The following TBK1 variants were observed in gnomAD, a reference collection of about 807,000 sequenced individuals.
TBK1 encodes the protein TANK binding kinase 1, also known as serine/threonine-protein kinase TBK1.
TBK1 carries 37 observed loss-of-function variants against 99.9 expected under a neutral mutation model. The observed-to-expected ratio is 0.37, with a 90% CI of 0.28 to 0.49. TBK1 has a LOEUF of 0.49. TBK1 is among the 20% of genes least tolerant of loss of function. The probability of loss-of-function intolerance (pLI) is 0.98; values close to 1 mark genes in which losing one functional copy is unlikely to be tolerated. For synonymous variants in TBK1, 258 were observed against 279.8 expected, an observed-to-expected ratio of 0.92 and a Z score of 0.78; for missense variants, 644 against 872.5, an observed-to-expected ratio of 0.74 and a Z score of 3.30.
At chr12:64,474,876 G>A (rs185435177) in intron 6 of TBK1, among the ~76,000 whole-genome samples, 238 of 152,314 alleles carry the variant, frequency 1.6e-3, no homozygotes, top group African/African-American at 5.4e-3. Flanking sequence ...CCAGCACTTT[G>A]GGAGGCTGAG....
At chr12:64,489,615 C>G (rs1440547601) in intron 12 of TBK1, among the ~76,000 whole-genome samples, 1 of 150,016 alleles carries the variant, frequency 6.7e-6, no homozygotes, top group African/African-American at 2.5e-5. Flanking sequence ...GTCATCTAGG[C>G]TGGAGTGCAG....
rs1410255519 is a variant in TBK1, at chr12:64,496,421, T to C, written c.1760+15T>C. The C allele has an allele frequency of 1.6e-5, 20 of 1,223,132 alleles. No homozygotes were observed. In the Admixed American group the frequency reaches 4.9e-4, roughly 30 times the overall value. 75.8% of individuals were successfully genotyped at this position (1,223,132 alleles called of 1,614,324 possible). A position where few individuals can be genotyped will look rare whatever the true frequency, so the allele number is the denominator to read the frequency against. The stretch of plus-strand genomic sequence containing the variant: ...AAATTTGATAAGTAAGTATCCAGAT[T>C]ATGTTTAATAGTTATTTTTGGTGCT... On this transcript the variant is annotated intron_variant, in intron 16 of 20. Coordinates refer to ENST00000331710, the MANE Select transcript of TBK1 (RefSeq NM_013254.4).
At chr12:64,464,711 C>T (rs965471211) in intron 4 of TBK1, among the ~76,000 whole-genome samples, 4 of 151,962 alleles carry the variant, frequency 2.6e-5, no homozygotes, top group Non-Finnish European at 4.4e-5. Context: ...AAATCATACA[C>T]CTGACAAGGG....
chr12:64,453,775 T>C (rs1203612324), intron 1 of TBK1, among the ~76,000 whole-genome samples: 1 of 152,214 alleles, frequency 6.6e-6, no homozygotes, highest in Non-Finnish European at 1.5e-5. Context: ...CATACATCAA[T>C]TTTAGTCCAG....
At chr12:64,467,594 T>C (rs10128757) in intron 5 of TBK1, among the ~76,000 whole-genome samples, 65,827 of 151,940 alleles carry the variant, frequency 0.43, 16,369 homozygotes, top group Non-Finnish European at 0.56. Flanking sequence ...TCAGTAAATA[T>C]TTGAAATACT....
At chr12:64,455,816 T>C in intron 1 of TBK1, 24 bp from the exon 2 acceptor site, 1 of 1,390,234 alleles carries the variant, frequency 7.2e-7, no homozygotes, top group Non-Finnish European at 1.0e-6. Context: ...TAAAACATAG[T>C]TGCAAATTTT....
intron 3 of TBK1, among the ~76,000 whole-genome samples, chr12:64,462,147 G>A (rs10784411): frequency 1.3e-5 from 2 of 152,218 alleles, no homozygotes; most frequent in Admixed American, 6.5e-5. Context: ...ATCATGCTGT[G>A]AGACTCTCCA....
At chr12:64,489,227 C>T (rs554060518) in intron 12 of TBK1, among the ~76,000 whole-genome samples, 2 of 152,236 alleles carry the variant, frequency 1.3e-5, no homozygotes, top group South Asian at 2.1e-4. Flanking sequence ...AAGAGATATT[C>T]TAGAACAGCC....
At chr12:64,498,130 C>T (rs2040949167) in intron 20 of TBK1, 91 bp downstream of exon 20, 3 of 1,110,294 alleles carry the variant, frequency 2.7e-6, no homozygotes, top group Non-Finnish European at 4.0e-6. Flanking sequence ...ATAGATTCAG[C>T]AGTGGTAAAG....
intron 5 of TBK1, among the ~76,000 whole-genome samples, chr12:64,470,306 TGTAAA>T (rs1359391725): frequency 2.0e-5 from 3 of 152,120 alleles, no homozygotes; most frequent in Non-Finnish European, 2.9e-5. Flanking sequence ...ATCTTAATAA[TGTAAA>T]GGAACATATT....
Position 64,481,968 on chromosome 12 carries a change from T to C in TBK1, c.939T>C (p.Val313=). Residue 313 remains valine (V), a synonymous_variant, in exon 8 of 21, where the codon GTT becomes GTC. Coordinates refer to ENST00000331710, the MANE Select transcript of TBK1 (RefSeq NM_013254.4). ...TACTTCACCGAATGGTAATTCATGT[T>C]TTTTCGCTACAACAAATGACAGCTC... ...SDILHRMVIH[V]FSLQQMTAHK... The C allele has an allele frequency of 6.2e-7, 1 of 1,608,086 alleles. No individual in the cohort carries two copies. The highest frequency in any genetic ancestry group is 8.5e-7 in the Non-Finnish European group (1 of 1,177,334).
rs1415149973 is a variant in TBK1, at chr12:64,495,504, A to G, written c.1543A>G (p.Ile515Val). ...TTAGCTTTCCAGTTCTCAGGGAACA[A>G]TAGAAACCAGTCTTCAGGATATCGA... Reference protein sequence around the residue: ...LLRLSSSQGTIETSLQDIDSR... With the variant: ...LLRLSSSQGTVETSLQDIDSR... Residue 515 changes from isoleucine (I) to valine (V), a missense_variant, in exon 14 of 21, where the codon ATA (isoleucine) becomes GTA (valine). This residue lies in a region of TBK1 where 465 missense variants were observed against 588.0 expected (regional missense o/e 0.79). Coordinates refer to ENST00000331710, the MANE Select transcript of TBK1 (RefSeq NM_013254.4). 2.5e-6 allele frequency: 4 copies of G among 1,614,040 alleles called. No homozygotes were observed. Among genetic ancestry groups the G allele is most frequent in the Admixed American group, 1.7e-5 (1 of 59,994 alleles).
chr12:64,474,450 T>G, intron 6 of TBK1, 60 bp downstream of exon 6: 3 of 1,512,146 alleles, frequency 2.0e-6, no homozygotes, highest in Non-Finnish European at 2.7e-6. Context: ...CTGTCTTGGT[T>G]CATCTTATTG....
At chr12:64,471,836 A>G (rs1233450177) in intron 5 of TBK1, among the ~76,000 whole-genome samples, 1 of 143,878 alleles carries the variant, frequency 7.0e-6, no homozygotes, top group Non-Finnish European at 1.5e-5. Context: ...GTGTCAAGCC[A>G]CCCCAAGTTA....
chr12:64,481,589 C>T lies in TBK1; in HGVS notation c.813-253C>T, dbSNP rs1041012687. On this transcript the variant is annotated intron_variant, in intron 7 of 20. Coordinates refer to ENST00000331710, the MANE Select transcript of TBK1 (RefSeq NM_013254.4). The stretch of plus-strand genomic sequence containing the variant: ...ATAAAGCATCTGTGAATAGCTGCTG[C>T]ACTTCAGCCTGGGCAACATAACAAG... 4.6e-5 allele frequency among the ~76,000 whole-genome samples: 7 copies of T among 152,114 alleles called. No homozygotes were observed. In the South Asian group the frequency reaches 6.2e-4, roughly 13 times the overall value.
intron 9 of TBK1, among the ~76,000 whole-genome samples, chr12:64,485,003 C>T (rs1230468226): frequency 1.3e-5 from 2 of 152,144 alleles, no homozygotes; most frequent in Non-Finnish European, 2.9e-5. Context: ...TTTGCTAACA[C>T]TCAAAATTAC....
At chr12:64,464,616 T>C (rs1342135090) in intron 4 of TBK1, among the ~76,000 whole-genome samples, 153 bp downstream of exon 4, 1 of 152,144 alleles carries the variant, frequency 6.6e-6, no homozygotes, top group Non-Finnish European at 1.5e-5. Flanking sequence ...ATAAATTGGA[T>C]TTCATCAGCA....
rs753990284 is a variant in TBK1 at position 64,496,958 on chromosome 12, G to A, written c.1770G>A (p.Leu590=). Residue 590 remains leucine, a synonymous_variant, in exon 17 of 21, where the codon CTG becomes CTA. Transcript: ENST00000331710. ...EQIHKFDKQK[L]YYHATKAMTH... ...TATTTCTAAATTACAGGCAAAAACTGTATTACCATGCCACAAAAGCTATGA... is the reference window on the plus strand; with the variant it reads ...TATTTCTAAATTACAGGCAAAAACTATATTACCATGCCACAAAAGCTATGA... 41 of 1,611,608 alleles carry A rather than the reference G, an allele frequency of 2.5e-5. No individual in the cohort carries two copies. The highest frequency in any genetic ancestry group is 3.5e-5 in the Non-Finnish European group (41 of 1,178,736).
At chr12:64,484,584 C>CA (rs35350216) in intron 9 of TBK1, 85 bp downstream of exon 9, 5 of 1,348,640 alleles carry the variant, frequency 3.7e-6, no homozygotes, top group South Asian at 3.1e-5. Context: ...CTTGTCTCTA[C>CA]AAAAAAATAA....
Sources: gnomAD v4.1 joint callset for allele counts (sites outside exome capture counted in the v4.1 genomes callset) on GRCh38, gnomAD v4.1.1 for gene constraint, gnomAD v4.1.1 regional missense constraint, MANE v1.5 for transcripts, NCBI Gene and HGNC (gene_info 2026-07-23, HGNC 2026-07-21) for gene names.